Variants in DSCAM observed in about 807,000 individuals in gnomAD.
DSCAM encodes DS cell adhesion molecule.
Under a neutral mutation model 217.7 loss-of-function variants are expected in DSCAM, and 47 were observed. The ratio of observed to expected loss-of-function variants is 0.22; its 90% CI spans 0.17 to 0.28. The LOEUF is 0.28. DSCAM is among the 10% of genes least tolerant of loss of function. The pLI, the probability that DSCAM is intolerant of heterozygous loss-of-function variation, is 1.00. For synonymous variants in DSCAM, 1,056 were observed against 1,015.3 expected (o/e 1.04, Z -0.76); for missense variants, 2,080 against 2,618.3 (o/e 0.79, Z 4.49).
chr21:40,090,366 A>C (rs1303366064), intron 21 of DSCAM, among the ~76,000 whole-genome samples: 1 of 151,896 alleles, frequency 6.6e-6, no homozygotes, highest in Non-Finnish European at 1.5e-5. Context: ...GTGTTGAAGG[A>C]ATGTTCTGCC....
rs1323151031 is a variant in DSCAM at position 40,564,327 on chromosome 21, A to C, written c.508+128483T>G. ...TCCTGTGAGGAACAAAAATGAAAAC[A>C]ATGGTACGTTTGTCCCTTCCAAGTT... On this transcript the variant is annotated intron_variant, in intron 3 of 32. Transcript: ENST00000400454. Among the ~76,000 whole-genome samples, 4 of 152,200 alleles carry C rather than the reference A, an allele frequency of 2.6e-5. No homozygotes were observed. The East Asian group carries it at 7.7e-4, about 29-fold the overall frequency.
chr21:40,280,927 C>T (rs2073752281), intron 10 of DSCAM, among the ~76,000 whole-genome samples: 3 of 152,172 alleles, frequency 2.0e-5, no homozygotes, highest in Admixed American at 2.0e-4. Context: ...AGTTGGTCTT[C>T]AGTCAACAGT....
intron 3 of DSCAM, among the ~76,000 whole-genome samples, chr21:40,651,355 A>G (rs1474082487): frequency 6.6e-6 from 1 of 152,178 alleles, no homozygotes; most frequent in Non-Finnish European, 1.5e-5. Flanking sequence ...CAATATTTAT[A>G]TTTCTTATGA....
intron 3 of DSCAM, among the ~76,000 whole-genome samples, chr21:40,401,557 T>C (rs963189907): frequency 4.5e-4 from 68 of 152,330 alleles, no homozygotes; most frequent in Non-Finnish European, 6.8e-4. Context: ...GATATCTCAA[T>C]ATTATCTTGA....
At chr21:40,765,855 G>A (rs769878447) in intron 1 of DSCAM, among the ~76,000 whole-genome samples, 2 of 152,142 alleles carry the variant, frequency 1.3e-5, no homozygotes, top group Non-Finnish European at 2.9e-5. Context: ...TCCGATGCCC[G>A]CTCCAGATCC....
intron 3 of DSCAM, among the ~76,000 whole-genome samples, chr21:40,528,704 T>A (rs1267541315): frequency 6.6e-6 from 1 of 152,068 alleles, no homozygotes; most frequent in African/African-American, 2.4e-5. Flanking sequence ...ACTCCTCCAC[T>A]GCCAGGTACT....
intron 15 of DSCAM, among the ~76,000 whole-genome samples, chr21:40,169,047 TAACAAC>T (rs376303804): frequency 2.0e-5 from 3 of 152,068 alleles, no homozygotes; most frequent in African/African-American, 7.2e-5. Context: ...GGGAGAAATT[TAACAAC>T]AACAACAAAA....
At chr21:40,013,985 G>C (rs2088110569) in intron 32 of DSCAM, among the ~76,000 whole-genome samples, 2 of 152,250 alleles carry the variant, frequency 1.3e-5, no homozygotes, top group Admixed American at 6.5e-5. Context: ...CAGCCATGCT[G>C]TGTATAGAGA....
chr21:40,093,832 T>G lies in DSCAM; in HGVS notation c.3739A>C (p.Arg1247=), dbSNP rs751113399. The G allele has an allele frequency of 1.3e-5, 21 of 1,613,888 alleles. No individual in the cohort carries two copies. Among genetic ancestry groups the G allele is most frequent in the African/African-American group, 2.7e-5 (2 of 74,904 alleles). The change falls in exon 21 of 33, where the codon AGA becomes CGA. Residue 1247 remains arginine (R), a synonymous_variant. Coordinates refer to ENST00000400454, the MANE Select transcript of DSCAM (RefSeq NM_001389.5). ...FEASPDSFSY[R]IPNLSRNRQY... ...CGATTCCTACTCAGGTTGGGAATTC[T>G]GTAGGAAAACGAGTCGGGAGAGGCC...
rs75594120 is a variant in DSCAM at position 40,540,397 on chromosome 21, G to A, written c.508+152413C>T. ...CAGAGATTCTATTTTCACACACAGCGTAATCTCTCTGTCGATGTTAATTAC... is the reference window on the plus strand; with the variant it reads ...CAGAGATTCTATTTTCACACACAGCATAATCTCTCTGTCGATGTTAATTAC... On this transcript the variant is annotated intron_variant, in intron 3 of 32. Coordinates refer to ENST00000400454, the MANE Select transcript of DSCAM (RefSeq NM_001389.5). Among the ~76,000 whole-genome samples, 791 of 152,162 alleles carry A rather than the reference G, an allele frequency of 5.2e-3. 3 individuals are homozygous for A. The highest frequency in any genetic ancestry group is 0.018 in the African/African-American group (738 of 41,516).
chr21:40,547,575 A>G (rs1163558666), intron 3 of DSCAM, among the ~76,000 whole-genome samples: 1 of 152,188 alleles, frequency 6.6e-6, no homozygotes, highest in Non-Finnish European at 1.5e-5. Flanking sequence ...AACGCAAAGT[A>G]GGTTTTAGGA....
chr21:40,619,626 T>A (rs1323147635), intron 3 of DSCAM, among the ~76,000 whole-genome samples: 1 of 152,222 alleles, frequency 6.6e-6, no homozygotes, highest in African/African-American at 2.4e-5. Flanking sequence ...ATTACTGCTT[T>A]AATATCTATG....
At chr21:40,782,059 T>G (rs1282637986) in intron 1 of DSCAM, among the ~76,000 whole-genome samples, 4 of 144,354 alleles carry the variant, frequency 2.8e-5, no homozygotes, top group Non-Finnish European at 6.0e-5. Context: ...CAGTACCAAC[T>G]ACTCGGGAGG....
chr21:40,781,435 T>C (rs1222222546), intron 1 of DSCAM, among the ~76,000 whole-genome samples: 1 of 152,212 alleles, frequency 6.6e-6, no homozygotes, highest in African/African-American at 2.4e-5. Context: ...GTACATACAA[T>C]TGACTCTCTG....
At chr21:40,772,201 T>C (rs1337309322) in intron 1 of DSCAM, among the ~76,000 whole-genome samples, 1 of 152,210 alleles carries the variant, frequency 6.6e-6, no homozygotes, top group Non-Finnish European at 1.5e-5. Context: ...GGAGATTTGC[T>C]CTTTTCCCCC....
intron 1 of DSCAM, among the ~76,000 whole-genome samples, chr21:40,820,565 A>T (rs2091916479): frequency 6.6e-6 from 1 of 152,212 alleles, no homozygotes; most frequent in Admixed American, 6.5e-5. Context: ...ACCATGGCAC[A>T]TGTATACCTC....
chr21:40,308,381 G>C (rs73227035), intron 9 of DSCAM, among the ~76,000 whole-genome samples: 2 of 151,962 alleles, frequency 1.3e-5, no homozygotes, highest in African/African-American at 4.8e-5. Flanking sequence ...CTGAGATTGC[G>C]GCTGAATTCC....
rs190539540 is a variant in DSCAM at position 40,226,113 on chromosome 21, A to T, written c.2357-36875T>A. Reference sequence around the variant, plus strand: ...TGATCCCTGTTGTACAATTGGAGAAACTAAGGCTGGAAGAGATGGAGTTAG... The same window carrying T: ...TGATCCCTGTTGTACAATTGGAGAATCTAAGGCTGGAAGAGATGGAGTTAG... On this transcript the variant is annotated intron_variant, in intron 11 of 32. Coordinates refer to ENST00000400454, the MANE Select transcript of DSCAM (RefSeq NM_001389.5). Among the ~76,000 whole-genome samples the T allele has an allele frequency of 2.8e-3, 430 of 152,350 alleles. 2 individuals carry two copies. Among genetic ancestry groups the T allele is most frequent in the Non-Finnish European group, 4.1e-3 (281 of 68,032 alleles).
At chr21:40,529,270 A>G (rs1305525687) in intron 3 of DSCAM, among the ~76,000 whole-genome samples, 1 of 152,144 alleles carries the variant, frequency 6.6e-6, no homozygotes, top group East Asian at 1.9e-4. Flanking sequence ...TTTCTCCAGT[A>G]AGGCAGTGAT....
Sources: allele counts gnomAD v4.1 joint callset (sites outside exome capture counted in the v4.1 genomes callset), GRCh38; gene constraint gnomAD v4.1.1; transcripts MANE v1.5; gene names NCBI Gene and HGNC (gene_info 2026-07-23, HGNC 2026-07-21).